EFCAB5: variants seen among roughly 807,000 people sequenced by gnomAD.
The protein encoded by EFCAB5 is EF-hand calcium binding domain 5.
EFCAB5 carries 131 observed loss-of-function variants against 167.9 expected under a neutral mutation model. The observed-to-expected ratio is 0.78, with a 90% confidence interval of 0.68 to 0.90. The LOEUF (loss-of-function observed/expected upper bound fraction) is 0.90. EFCAB5 is among the 40% of genes least tolerant of loss of function. EFCAB5 has a pLI of 0.00. For synonymous variants in EFCAB5, 574 were observed against 602.8 expected, an observed-to-expected ratio of 0.95 and a Z score of 0.70; for missense variants, 1,663 against 1,745.2, an observed-to-expected ratio of 0.95 and a Z score of 0.84.
intron 7 of EFCAB5, among the ~76,000 whole-genome samples, chr17:30,027,581 T>C (rs1042276334): frequency 2.0e-5 from 3 of 152,026 alleles, no homozygotes; most frequent in African/African-American, 7.2e-5. Flanking sequence ...AACAGAAGTC[T>C]CCCAAAGGTC....
chr17:30,035,611 G>A (rs1205916017), intron 8 of EFCAB5, among the ~76,000 whole-genome samples: 2 of 152,156 alleles, frequency 1.3e-5, no homozygotes, highest in Non-Finnish European at 2.9e-5. Context: ...TTATGTACTG[G>A]ATTGGACAAA....
At chr17:30,038,216 CT>C (rs1378928037) in intron 8 of EFCAB5, among the ~76,000 whole-genome samples, 6 of 152,214 alleles carry the variant, frequency 3.9e-5, no homozygotes, top group Non-Finnish European at 7.3e-5. Context: ...CTAGCAGACT[CT>C]CTTCTTAGAG....
intron 3 of EFCAB5, among the ~76,000 whole-genome samples, chr17:29,947,631 CTG>C (rs1247337725): frequency 2.0e-5 from 3 of 152,058 alleles, no homozygotes; most frequent in African/African-American, 7.2e-5. Flanking sequence ...AAACTTAGTA[CTG>C]TTTTCACAGC....
chr17:30,019,388 A>G (rs1349588229), intron 7 of EFCAB5, among the ~76,000 whole-genome samples: 1 of 151,862 alleles, frequency 6.6e-6, no homozygotes, highest in Non-Finnish European at 1.5e-5. Context: ...TTATTCTATT[A>G]ATATAATGAA....
chr17:29,979,121 G>A (rs2068120351), intron 4 of EFCAB5, among the ~76,000 whole-genome samples: 1 of 152,170 alleles, frequency 6.6e-6, no homozygotes, highest in Admixed American at 6.5e-5. Flanking sequence ...GGAGGCCGAG[G>A]TGGGTGGATC....
intron 22 of EFCAB5, among the ~76,000 whole-genome samples, chr17:30,093,958 G>T (rs1047826518): frequency 1.3e-5 from 2 of 152,126 alleles, no homozygotes; most frequent in African/African-American, 4.8e-5. Flanking sequence ...GAGTCTTCAG[G>T]CAGGGCAATC....
chr17:30,082,601 G>A (rs1248459985), intron 17 of EFCAB5, among the ~76,000 whole-genome samples: 1 of 151,978 alleles, frequency 6.6e-6, no homozygotes, highest in African/African-American at 2.4e-5. Flanking sequence ...ATGTTGGCCA[G>A]GCTGGTCTCA....
chr17:30,046,426 G>A (rs1348661790), intron 8 of EFCAB5, among the ~76,000 whole-genome samples: 1 of 152,102 alleles, frequency 6.6e-6, no homozygotes, highest in Non-Finnish European at 1.5e-5. Context: ...GACAAGCTCA[G>A]GACTTTAAAC....
At chr17:30,028,882 A>G (rs1271501887) in intron 7 of EFCAB5, among the ~76,000 whole-genome samples, 1 of 152,148 alleles carries the variant, frequency 6.6e-6, no homozygotes, top group African/African-American at 2.4e-5. Context: ...CTTCTTTAAG[A>G]ACACTAGTCA....
chr17:30,097,048 ACATATATATATATTTTT>A lies in EFCAB5; in HGVS notation c.4321+4113_4321+4129del, dbSNP rs1567777444. Among the ~76,000 whole-genome samples, 73 of 61,024 alleles carry A rather than the reference ACATATATATATATTTTT, an allele frequency of 1.2e-3. 1 individual carries two copies. The highest frequency in any genetic ancestry group is 6.7e-3 in the African/African-American group (67 of 9,944). 40.0% of individuals were successfully genotyped at this position (61,024 alleles called of 152,430 possible). A position where few individuals can be genotyped will look rare whatever the true frequency, so the allele number is the denominator to read the frequency against. On this transcript the variant is annotated intron_variant, in intron 22 of 22. Transcript: ENST00000394835. ...TACATATACATATACATATACATAT[ACATATATATATATTTTT>A]TTTTTTTTGAGATGGAGTTTCGCTC...
chr17:30,051,353 A>C (rs1015395122), intron 9 of EFCAB5, 136 bp downstream of exon 9: 4 of 659,314 alleles, frequency 6.1e-6, no homozygotes, highest in Non-Finnish European at 7.6e-6. Context: ...GCTCTCTTAG[A>C]TCATGATAAC....
At chr17:30,087,264 C>A in intron 19 of EFCAB5, 98 bp downstream of exon 19, 2 of 893,712 alleles carry the variant, frequency 2.2e-6, no homozygotes, top group Non-Finnish European at 3.5e-6. Context: ...CTCATACACG[C>A]TGACTTTTAT....
chr17:30,037,557 C>G (rs1457839393), intron 8 of EFCAB5, among the ~76,000 whole-genome samples: 1 of 152,130 alleles, frequency 6.6e-6, no homozygotes, highest in African/African-American at 2.4e-5. Flanking sequence ...TCACTATATA[C>G]TCAATAGGTG....
At chr17:30,078,592 C>A (rs1244889396) in intron 15 of EFCAB5, 88 bp downstream of exon 15, 83 of 1,403,942 alleles carry the variant, frequency 5.9e-5, no homozygotes, top group Non-Finnish European at 7.6e-5. Flanking sequence ...ATCTTGAATT[C>A]TCTTGAAAAA....
intron 6 of EFCAB5, among the ~76,000 whole-genome samples, chr17:29,996,877 G>A (rs2068555119): frequency 6.6e-6 from 1 of 152,070 alleles, no homozygotes; most frequent in African/African-American, 2.4e-5. Context: ...GTTGTTTCTT[G>A]AGTTCCCTTT....
chr17:30,010,212 G>A (rs528155596), intron 7 of EFCAB5, among the ~76,000 whole-genome samples: 3 of 152,286 alleles, frequency 2.0e-5, no homozygotes, highest in Admixed American at 6.5e-5. Context: ...ATCATTGATG[G>A]ATATTTGGGT....
intron 7 of EFCAB5, among the ~76,000 whole-genome samples, chr17:30,004,992 CTG>C (rs1313430211): frequency 1.3e-5 from 2 of 151,942 alleles, no homozygotes; most frequent in African/African-American, 4.8e-5. Context: ...AAATAAATCT[CTG>C]TTGTTTAAGT....
chr17:29,991,887 G>GT (rs2068428198), intron 4 of EFCAB5, among the ~76,000 whole-genome samples: 1 of 152,102 alleles, frequency 6.6e-6, no homozygotes, highest in Non-Finnish European at 1.5e-5. Context: ...TTTACTACCT[G>GT]TTTTTTAAGT....
chr17:30,029,159 TA>T (rs1446554042), intron 7 of EFCAB5, among the ~76,000 whole-genome samples: 1 of 152,202 alleles, frequency 6.6e-6, no homozygotes, highest in Non-Finnish European at 1.5e-5. Context: ...TCAGAAGAGT[TA>T]AAAGTATGTT....
Sources: gnomAD v4.1 joint callset for allele counts (sites outside exome capture counted in the v4.1 genomes callset) on GRCh38, gnomAD v4.1.1 for gene constraint, MANE v1.5 for transcripts, NCBI Gene and HGNC (gene_info 2026-07-23, HGNC 2026-07-21) for gene names.